The following EFCAB5 variants were observed in gnomAD, a reference collection of about 807,000 sequenced individuals.
The protein encoded by EFCAB5 is EF-hand calcium-binding domain-containing protein 5.
EFCAB5 carries 131 observed loss-of-function variants against 167.9 expected under a neutral mutation model. The observed-to-expected ratio is 0.78, with a 90% CI of 0.68 to 0.90. The LOEUF (loss-of-function observed/expected upper bound fraction) is 0.90, where lower values mean the gene tolerates loss of function less well. EFCAB5 is among the 40% of genes least tolerant of loss of function. The pLI, the probability that EFCAB5 is intolerant of heterozygous loss-of-function variation, is 0.00. For missense variants in EFCAB5, 1,663 were observed against 1,745.2 expected (o/e 0.95, Z 0.84); for synonymous variants, 574 against 602.8 (o/e 0.95, Z 0.70).
intron 14 of EFCAB5, among the ~76,000 whole-genome samples, chr17:30,067,568 C>A (rs2070608136): frequency 6.6e-6 from 1 of 152,056 alleles, no homozygotes; most frequent in South Asian, 2.1e-4. Flanking sequence ...ATCCCATCAA[C>A]AGAATAGACA....
chr17:30,061,024 T>A (rs1463065345), intron 14 of EFCAB5, among the ~76,000 whole-genome samples: 1 of 152,208 alleles, frequency 6.6e-6, no homozygotes, highest in African/African-American at 2.4e-5. Flanking sequence ...ATATATTAGA[T>A]GATATGGAAT....
chr17:30,029,419 AT>A (rs935509714), intron 7 of EFCAB5, among the ~76,000 whole-genome samples: 7 of 152,220 alleles, frequency 4.6e-5, no homozygotes, highest in Non-Finnish European at 1.0e-4. Flanking sequence ...ATTAAATATT[AT>A]ACTGAAAGTG....
intron 8 of EFCAB5, among the ~76,000 whole-genome samples, chr17:30,050,386 C>T (rs771769992): frequency 2.6e-5 from 4 of 152,092 alleles, no homozygotes; most frequent in Non-Finnish European, 5.9e-5. Flanking sequence ...CCACCCACCT[C>T]GGCCTCCCAA....
chr17:30,107,693 A>G (rs2071466660), intron 22 of EFCAB5, 141 bp from the exon 23 acceptor site: 2 of 671,116 alleles, frequency 3.0e-6, no homozygotes, highest in East Asian at 6.8e-5. Flanking sequence ...TATTCCTGTA[A>G]TTACATATTT....
In EFCAB5 at chr17:29,969,028, T is replaced by C; in HGVS notation, c.428T>C (p.Leu143Pro). Residue 143 changes from leucine (L) to proline (P), a missense_variant, in exon 4 of 23, where the codon CTA becomes CCA. By Grantham distance (98) the Leu-to-Pro change is moderately conservative (BLOSUM62 -3). Transcript: ENST00000394835. The stretch of plus-strand genomic sequence containing the variant: ...GATAAGGAAAATCTGAAGAAGGAAC[T>C]AGAAAAAAAGGCTGAAAAAAAACTC... ...IIDKENLKKE[L>P]EKKAEKKLPR... The C allele has an allele frequency of 6.3e-7, 1 of 1,594,978 alleles. No individual in the cohort carries two copies. Among genetic ancestry groups the C allele is most frequent in the Non-Finnish European group, 8.5e-7 (1 of 1,172,366 alleles).
chr17:29,958,959 G>T (rs2151554119), intron 3 of EFCAB5, among the ~76,000 whole-genome samples: 1 of 152,270 alleles, frequency 6.6e-6, no homozygotes, highest in African/African-American at 2.4e-5. Context: ...AGAGACTCTT[G>T]TTCTCTTCCC....
intron 7 of EFCAB5, chr17:30,032,030 C>G (rs1430308438): frequency 6.6e-6 from 1 of 151,986 alleles, no homozygotes; most frequent in Non-Finnish European, 1.5e-5. Flanking sequence ...GAGTGAGACC[C>G]TGTCTCTAAA....
chr17:30,054,078 A>G lies in EFCAB5; in HGVS notation c.2124A>G (p.Glu708=), dbSNP rs777362255. 1.4e-5 allele frequency: 23 copies of G among 1,591,012 alleles called. No individual in the cohort carries two copies. The highest frequency in any genetic ancestry group is 1.9e-5 in the Non-Finnish European group (22 of 1,167,788). Residue 708 remains glutamate, a synonymous_variant, in exon 10 of 23, where the codon GAA becomes GAG. Transcript: ENST00000394835. The part of the protein sequence containing the change: ...QEKRSWEQTY[E]EEIFLSSELQ... ...AGAGGTCTTGGGAACAAACATATGA[A>G]GAGGAAATATTCCTGAGTTCTGAAC... is the stretch of plus-strand genomic sequence containing the variant.
chr17:29,975,215 T>C (rs951214111), intron 4 of EFCAB5, among the ~76,000 whole-genome samples: 1 of 151,970 alleles, frequency 6.6e-6, no homozygotes, highest in Non-Finnish European at 1.5e-5. Context: ...AAAACAAAAG[T>C]GATACACTTT....
intron 7 of EFCAB5, among the ~76,000 whole-genome samples, chr17:30,026,839 G>T (rs978010704): frequency 2.0e-5 from 3 of 151,838 alleles, no homozygotes; most frequent in African/African-American, 7.3e-5. Context: ...GTCTCCCAGA[G>T]TTCTGGGATT....
At chr17:30,066,656 G>T (rs55996030) in intron 14 of EFCAB5, among the ~76,000 whole-genome samples, 4 of 151,730 alleles carry the variant, frequency 2.6e-5, no homozygotes, top group African/African-American at 9.7e-5. Context: ...TAGAAAAAAA[G>T]AAATAATAAA....
chr17:30,036,536 C>T (rs892492721), intron 8 of EFCAB5, among the ~76,000 whole-genome samples: 4 of 151,378 alleles, frequency 2.6e-5, no homozygotes, highest in Non-Finnish European at 5.9e-5. Context: ...TTCAAGTAAT[C>T]CCCCAACCTC....
At chr17:29,950,662 C>G (rs1248147547) in intron 3 of EFCAB5, 1 of 152,216 alleles carries the variant, frequency 6.6e-6, no homozygotes, top group Non-Finnish European at 1.5e-5. Flanking sequence ...ATGTGAGCCA[C>G]TGCACCTAGC....
At chr17:29,946,303 A>C (rs1301754042) in intron 3 of EFCAB5, among the ~76,000 whole-genome samples, 7 of 152,200 alleles carry the variant, frequency 4.6e-5, no homozygotes, top group African/African-American at 1.7e-4. Context: ...TCCTGCAAGA[A>C]GGATCATTAT....
At chr17:30,036,317 CACATATATAATATATAATT>C (rs2069623654) in intron 8 of EFCAB5, among the ~76,000 whole-genome samples, 1 of 109,456 alleles carries the variant, frequency 9.1e-6, no homozygotes, top group African/African-American at 4.6e-5. Flanking sequence ...ATATATAATA[CACATATATAATATATAATT>C]ATATATAATA....
At position 30,078,345 on chromosome 17, in the gene EFCAB5, T is replaced by G. The variant is rs1392287196; in HGVS notation, c.2868T>G (p.Ser956Arg). The change falls in exon 15 of 23, where the codon AGT becomes AGG. Residue 956 changes from serine (S) to arginine (R), a missense_variant. Physicochemically the swap from Ser to Arg is moderately radical, Grantham distance 110. Coordinates refer to ENST00000394835, the MANE Select transcript of EFCAB5 (RefSeq NM_198529.4). ...GCAATGAAGACCAAGTTCTGGAAAG[T>G]GTTGTGGAATTTCTGATGAATGCTT... ...LRGNEDQVLE[S>R]VVEFLMNALE... The G allele has an allele frequency of 5.6e-6, 9 of 1,613,792 alleles. No homozygotes were observed. The highest frequency in any genetic ancestry group is 7.6e-6 in the Non-Finnish European group (9 of 1,179,876).
intron 4 of EFCAB5, among the ~76,000 whole-genome samples, chr17:29,987,913 C>A (rs1324327946): frequency 6.6e-6 from 1 of 152,188 alleles, no homozygotes; most frequent in Non-Finnish European, 1.5e-5. Context: ...CATACATGTA[C>A]ATAAGCTAGT....
At chr17:30,092,668 C>G (rs73274852) in intron 21 of EFCAB5, among the ~76,000 whole-genome samples, 172 bp from the exon 22 acceptor site, 2 of 152,084 alleles carry the variant, frequency 1.3e-5, no homozygotes, top group Non-Finnish European at 2.9e-5. Flanking sequence ...GGATTACAGG[C>G]GTGAGCCACC....
chr17:29,934,037 T>C (rs183429799), intron 1 of EFCAB5, among the ~76,000 whole-genome samples: 2 of 152,350 alleles, frequency 1.3e-5, no homozygotes, highest in African/African-American at 4.8e-5. Context: ...ACACTAAATA[T>C]TGAATTTGTA....
Sources: allele counts gnomAD v4.1 joint callset (sites outside exome capture counted in the v4.1 genomes callset), GRCh38; gene constraint gnomAD v4.1.1; transcripts MANE v1.5; gene names NCBI Gene and HGNC (gene_info 2026-07-23, HGNC 2026-07-21).